Variants in CTNNA3 observed in about 807,000 individuals in gnomAD.
CTNNA3 encodes catenin alpha-3.
CTNNA3 carries 76 observed loss-of-function variants against 95.7 expected under a neutral mutation model. The observed-to-expected ratio is 0.79, with a 90% CI of 0.66 to 0.96. The LOEUF (loss-of-function observed/expected upper bound fraction) is 0.96, where lower values mean the gene tolerates loss of function less well. Ranked by LOEUF, CTNNA3 falls within the 40% of genes least tolerant of loss-of-function variation. The probability of loss-of-function intolerance (pLI) is 0.00; values close to 1 mark genes in which losing one functional copy is unlikely to be tolerated. For synonymous variants in CTNNA3, 431 were observed against 374.4 expected, an observed-to-expected ratio of 1.15 and a Z score of -1.74; for missense variants, 1,191 against 1,089.8, an observed-to-expected ratio of 1.09 and a Z score of -1.31.
intron 9 of CTNNA3, among the ~76,000 whole-genome samples, chr10:66,722,775 T>G (rs906104996): frequency 3.3e-5 from 5 of 152,050 alleles, no homozygotes; most frequent in African/African-American, 1.2e-4. Context: ...TATAAGAAGT[T>G]TCAAGCAACT....
intron 2 of CTNNA3, among the ~76,000 whole-genome samples, chr10:67,621,308 C>T (rs1348399688): frequency 6.6e-6 from 1 of 152,126 alleles, no homozygotes; most frequent in East Asian, 1.9e-4. Context: ...TACTCTTCCT[C>T]CAAGTAAGCC....
chr10:65,972,237 C>A (rs2078119761), intron 16 of CTNNA3, among the ~76,000 whole-genome samples: 1 of 151,866 alleles, frequency 6.6e-6, no homozygotes, highest in South Asian at 2.1e-4. Context: ...CCAATCTCTA[C>A]TTGAATGGGC....
chr10:66,063,306 C>CTA (rs568701925), intron 15 of CTNNA3, among the ~76,000 whole-genome samples: 39 of 135,036 alleles, frequency 2.9e-4, no homozygotes, highest in Admixed American at 6.2e-4. Context: ...ATCTCTCTCT[C>CTA]TATATATATA....
intron 5 of CTNNA3, among the ~76,000 whole-genome samples, chr10:67,252,904 A>C (rs939690854): frequency 6.6e-6 from 1 of 152,222 alleles, no homozygotes; most frequent in African/African-American, 2.4e-5. Context: ...GTATCTGTAA[A>C]GTTTGCAGTT....
At chr10:66,554,423 TA>T (rs200571538) in intron 10 of CTNNA3, among the ~76,000 whole-genome samples, 1 of 145,704 alleles carries the variant, frequency 6.9e-6, no homozygotes, top group African/African-American at 2.5e-5. Context: ...TCATAATTTT[TA>T]AAAAAAATAA....
chr10:67,645,450 T>G (rs540167402), intron 2 of CTNNA3, among the ~76,000 whole-genome samples: 3 of 152,286 alleles, frequency 2.0e-5, no homozygotes, highest in Admixed American at 6.5e-5. Context: ...GGTTATAAAC[T>G]AGCATTAATG....
At chr10:66,505,048 T>G (rs972832908) in intron 11 of CTNNA3, among the ~76,000 whole-genome samples, 1 of 152,172 alleles carries the variant, frequency 6.6e-6, no homozygotes, top group East Asian at 1.9e-4. Context: ...CTTAAAGTTA[T>G]AGCAAAAATT....
At chr10:66,310,782 G>A (rs2092008284) in intron 12 of CTNNA3, among the ~76,000 whole-genome samples, 1 of 151,008 alleles carries the variant, frequency 6.6e-6, no homozygotes, top group Non-Finnish European at 1.5e-5. Flanking sequence ...CGCCTCCCAG[G>A]TTCATGCCAT....
intron 13 of CTNNA3, among the ~76,000 whole-genome samples, chr10:66,138,912 G>A (rs183047502): frequency 6.6e-6 from 1 of 152,242 alleles, no homozygotes; most frequent in Non-Finnish European, 1.5e-5. Context: ...TCAAACATCT[G>A]GACCTTTACA....
chr10:67,521,403 C>A (rs1839980702), intron 5 of CTNNA3, among the ~76,000 whole-genome samples: 1 of 152,092 alleles, frequency 6.6e-6, no homozygotes, highest in African/African-American at 2.4e-5. Flanking sequence ...AACTAAAGAT[C>A]AATTCATATT....
chr10:66,333,991 C>T (rs1249208160), intron 12 of CTNNA3, among the ~76,000 whole-genome samples: 1 of 152,058 alleles, frequency 6.6e-6, no homozygotes, highest in Admixed American at 6.5e-5. Context: ...TAATGGCCGT[C>T]TTTATCTCTT....
At position 66,494,548 on chromosome 10, in the gene CTNNA3, G is replaced by C. The variant is rs905160301; in HGVS notation, c.1531+26069C>G. 4.6e-5 allele frequency among the ~76,000 whole-genome samples: 7 copies of C among 152,264 alleles called. No homozygotes were observed. In the East Asian group the frequency reaches 1.4e-3, roughly 29 times the overall value. On this transcript the variant is annotated intron_variant, in intron 11 of 17. Transcript: ENST00000433211. ...TGTGCTTGCATTAGCAAAGAAGTATGACATTGGGTAATAGGCCACCCACAG... is the reference window on the plus strand; with the variant it reads ...TGTGCTTGCATTAGCAAAGAAGTATCACATTGGGTAATAGGCCACCCACAG...
chr10:67,661,236 A>G (rs1840177621), intron 1 of CTNNA3, among the ~76,000 whole-genome samples: 1 of 151,782 alleles, frequency 6.6e-6, no homozygotes, highest in Non-Finnish European at 1.5e-5. Flanking sequence ...CAATTTTACT[A>G]AAACAAAAAA....
intron 13 of CTNNA3, among the ~76,000 whole-genome samples, chr10:66,179,585 C>A (rs1479503703): frequency 1.3e-5 from 2 of 151,978 alleles, no homozygotes; most frequent in South Asian, 2.1e-4. Flanking sequence ...ATAAATAGAT[C>A]TACTTAAAGA....
chr10:66,877,562 G>A (rs1386642698), intron 7 of CTNNA3, among the ~76,000 whole-genome samples: 2 of 152,104 alleles, frequency 1.3e-5, no homozygotes, highest in Admixed American at 6.6e-5. Flanking sequence ...AGCCTGATAA[G>A]ATTCTCTCAC....
chr10:66,346,100 T>C (rs1382990344), intron 12 of CTNNA3, among the ~76,000 whole-genome samples: 1 of 138,818 alleles, frequency 7.2e-6, no homozygotes, highest in East Asian at 2.1e-4. Context: ...AAAAAAAGAA[T>C]ATTTAGTTGG....
chr10:67,710,403 T>C (rs187839620), intron 1 of CTNNA3, among the ~76,000 whole-genome samples: 3 of 152,252 alleles, frequency 2.0e-5, no homozygotes, highest in African/African-American at 7.2e-5. Context: ...AGAATGGATA[T>C]CCCCATTGTT....
At position 66,927,483 on chromosome 10, in the gene CTNNA3, A is replaced by G; in HGVS notation, c.1048-151959T>C. 2 of 1,614,078 alleles carry G rather than the reference A, an allele frequency of 1.2e-6. No homozygotes were observed. Among genetic ancestry groups the G allele is most frequent in the Non-Finnish European group, 1.7e-6 (2 of 1,180,010 alleles). The stretch of plus-strand genomic sequence containing the variant: ...GCAACCTGGAACTTTTGGACCTGGG[A>G]TATAACCGGATCCGAAGTTTAGCCA... On this transcript the variant is annotated intron_variant, in intron 7 of 17. Coordinates refer to ENST00000433211, the MANE Select transcript of CTNNA3 (RefSeq NM_013266.4). This position sits in a 1 kb window ranked among gnomAD's most constrained non-coding sequence, Gnocchi z 4.7.
intron 7 of CTNNA3, among the ~76,000 whole-genome samples, chr10:67,018,276 T>A (rs534170232): frequency 1.3e-5 from 2 of 152,286 alleles, no homozygotes; most frequent in African/African-American, 4.8e-5. Flanking sequence ...AGCAAATGTC[T>A]ATGTTTTATG....
Sources: allele counts gnomAD v4.1 joint callset (sites outside exome capture counted in the v4.1 genomes callset), GRCh38; gene constraint gnomAD v4.1.1; non-coding constraint Gnocchi (gnomAD v3.1); transcripts MANE v1.5; gene names NCBI Gene and HGNC (gene_info 2026-07-23, HGNC 2026-07-21).